Variants in WDR17 observed in about 807,000 individuals in gnomAD.
WDR17 encodes the protein WD repeat-containing protein 17.
A neutral mutation model predicts 161.7 loss-of-function variants in WDR17; 143 were observed. The ratio of observed to expected loss-of-function variants is 0.88; its 90% CI spans 0.77 to 1.02. WDR17 has a LOEUF of 1.02. Ranked by LOEUF, WDR17 falls within the 50% of genes least tolerant of loss-of-function variation. WDR17 has a pLI of 0.00. For missense variants in WDR17, 1,469 were observed against 1,520.9 expected (o/e 0.97, Z 0.57); for synonymous variants, 517 against 515.6 (o/e 1.00, Z -0.04).
rs144193961 is a variant in WDR17, at chr4:176,082,256, C to T, written c.-7+16177C>T. On this transcript the variant is annotated intron_variant, in intron 1 of 28. Transcript: ENST00000508596. ...AAATAATACATTTGGTAAGGCAAAA[C>T]GACACCAATTCTGCTTGTTGTATTA... Among the ~76,000 whole-genome samples, 94 of 151,956 alleles carry T rather than the reference C, an allele frequency of 6.2e-4. 1 individual carries two copies. The highest frequency in any genetic ancestry group is 2.0e-3 in the African/African-American group (81 of 41,454).
At chr4:176,096,411 A>G in intron 1 of WDR17, 1 of 773,564 alleles carries the variant, frequency 1.3e-6, no homozygotes, top group Non-Finnish European at 2.1e-6. Flanking sequence ...TCATTTCACA[A>G]GGGAGATTTT....
intron 1 of WDR17, among the ~76,000 whole-genome samples, chr4:176,078,697 T>G (rs13124564): frequency 0.52 from 78,830 of 151,858 alleles, 21,985 homozygotes; most frequent in South Asian, 0.63. Flanking sequence ...ATCTCTCCAA[T>G]TCTACTCATA....
chr4:176,111,127 A>G (rs1739661377), intron 1 of WDR17: 1 of 152,344 alleles, frequency 6.6e-6, no homozygotes, highest in Non-Finnish European at 1.5e-5. Context: ...TTTAAATTTA[A>G]ACGTGATGCC....
chr4:176,128,655 G>C, intron 5 of WDR17, 83 bp from the exon 6 acceptor site: 2 of 1,403,438 alleles, frequency 1.4e-6, no homozygotes, highest in Non-Finnish European at 1.9e-6. Flanking sequence ...ATTTCCAGTT[G>C]AAATTTTGTT....
intron 8 of WDR17, among the ~76,000 whole-genome samples, chr4:176,136,288 C>A (rs376537721): frequency 1.3e-5 from 2 of 151,594 alleles, no homozygotes; most frequent in African/African-American, 4.8e-5. Flanking sequence ...TTGATTATTG[C>A]AGTATGCACC....
chr4:176,148,497 G>C (rs1746560701), intron 13 of WDR17, among the ~76,000 whole-genome samples, 162 bp downstream of exon 13: 1 of 152,146 alleles, frequency 6.6e-6, no homozygotes, highest in African/African-American at 2.4e-5. Context: ...TATAATACCA[G>C]AATGTGCAGA....
intron 1 of WDR17, among the ~76,000 whole-genome samples, chr4:176,072,715 C>A (rs6818449): frequency 6.6e-6 from 1 of 151,652 alleles, no homozygotes; most frequent in Non-Finnish European, 1.5e-5. Flanking sequence ...TGCATAGCTC[C>A]GAGCACATAG....
At position 176,142,655 on chromosome 4, in the gene WDR17, A is replaced by G. The variant is rs529234096; in HGVS notation, c.1529+586A>G. On this transcript the variant is annotated intron_variant, in intron 11 of 28. Transcript: ENST00000508596. ...TGCATTTCCTAGAATATTGTGTTTC[A>G]AGCCTCTTTTAATGGGATATAAATT... Among the ~76,000 whole-genome samples the G allele has an allele frequency of 1.2e-4, 18 of 152,328 alleles. 1 individual carries two copies. The highest frequency in any genetic ancestry group is 4.3e-4 in the African/African-American group (18 of 41,572).
At chr4:176,134,969 T>C (rs1194318463) in intron 7 of WDR17, 139 bp from the exon 8 acceptor site, 2 of 768,784 alleles carry the variant, frequency 2.6e-6, no homozygotes, top group African/African-American at 3.5e-5. Context: ...TCCAGTTTTC[T>C]GTTTTTCTTG....
chr4:176,173,519 T>A (rs557055183), intron 25 of WDR17, 150 bp downstream of exon 25: 4 of 532,818 alleles, frequency 7.5e-6, no homozygotes, highest in South Asian at 3.0e-5. Context: ...TGTTATATAT[T>A]TTTTTTCTTT....
chr4:176,170,374 G>C lies in WDR17; in HGVS notation c.3102+1591G>C, dbSNP rs564272382. Among the ~76,000 whole-genome samples the C allele has an allele frequency of 5.5e-5, 8 of 146,350 alleles. No homozygotes were observed. The East Asian group carries it at 1.2e-3, about 22-fold the overall frequency. On this transcript the variant is annotated intron_variant, in intron 23 of 28. Coordinates refer to ENST00000508596, the MANE Select transcript of WDR17 (RefSeq NM_181265.4). ...CTTGTTGCCCAGGCTGGAGTGCAAT[G>C]GCACGAGCTCAGATCAGTGCAACCT...
At chr4:176,126,636 T>C (rs1436057230) in intron 5 of WDR17, among the ~76,000 whole-genome samples, 1 of 152,100 alleles carries the variant, frequency 6.6e-6, no homozygotes, top group South Asian at 2.1e-4. Context: ...GTTGAACCCA[T>C]GTGAATAATG....
rs779411267 is a variant in WDR17 at position 176,150,184 on chromosome 4, C to T, written c.2178+11C>T. The T allele has an allele frequency of 3.1e-6, 5 of 1,609,302 alleles. No individual in the cohort carries two copies. The Admixed American group carries it at 5.0e-5, about 16-fold the overall frequency. On this transcript the variant is annotated intron_variant, in intron 15 of 28. Coordinates refer to ENST00000508596, the MANE Select transcript of WDR17 (RefSeq NM_181265.4). ...TCAGAATGTTTATCTGTAAGTATTACAGGAATTAAATGCGAATATTTTCCC... is the reference window on the plus strand; with the variant it reads ...TCAGAATGTTTATCTGTAAGTATTATAGGAATTAAATGCGAATATTTTCCC...
Position 176,102,659 on chromosome 4 carries a change from G to A in WDR17, c.-6-8916G>A, listed in dbSNP as rs184154087. On this transcript the variant is annotated intron_variant, in intron 1 of 28. Coordinates refer to ENST00000508596, the MANE Select transcript of WDR17 (RefSeq NM_181265.4). ...ACATCTAGATAAATAGTATTATTCT[G>A]CACTAAAAAGCAATGAGCCATTAAG... Among the ~76,000 whole-genome samples the A allele has an allele frequency of 3.7e-4, 57 of 152,216 alleles. No homozygotes were observed. The South Asian group carries it at 6.6e-3, about 18-fold the overall frequency.
At chr4:176,159,091 A>C (rs552118967) in intron 18 of WDR17, among the ~76,000 whole-genome samples, 8 of 152,180 alleles carry the variant, frequency 5.3e-5, no homozygotes, top group Non-Finnish European at 1.2e-4. Context: ...AGCATGAAAA[A>C]TATCTGCTAC....
chr4:176,173,302 A>G lies in WDR17; in HGVS notation c.3280A>G (p.Ile1094Val), dbSNP rs1405675565. 5 of 1,613,314 alleles carry G rather than the reference A, an allele frequency of 3.1e-6. No individual in the cohort carries two copies. Among genetic ancestry groups the G allele is most frequent in the Admixed American group, 3.3e-5 (2 of 59,984 alleles). ...TAGCTCAGACTGGACTTTGGATACC[A>G]TATACCCTGTTCTTGACCTACTGAG... ...ISSSDWTLDT[I>V]YPVLDLLSYI... Residue 1094 changes from isoleucine (I) to valine (V), a missense_variant, in exon 25 of 29, where the codon ATA (isoleucine) becomes GTA (valine). Coordinates refer to ENST00000508596, the MANE Select transcript of WDR17 (RefSeq NM_181265.4).
intron 1 of WDR17, among the ~76,000 whole-genome samples, chr4:176,105,967 T>C (rs2126675205): frequency 6.6e-6 from 1 of 152,034 alleles, no homozygotes; most frequent in Admixed American, 6.6e-5. Flanking sequence ...ACTCAAATTA[T>C]TAAAATCACA....
intron 1 of WDR17, among the ~76,000 whole-genome samples, chr4:176,073,220 C>G (rs1309921565): frequency 6.6e-6 from 1 of 152,036 alleles, no homozygotes; most frequent in Non-Finnish European, 1.5e-5. Context: ...TGTCATTTAG[C>G]ATTAGGTATA....
At chr4:176,158,285 C>T (rs1019502732) in intron 18 of WDR17, among the ~76,000 whole-genome samples, 12 of 152,004 alleles carry the variant, frequency 7.9e-5, no homozygotes, top group South Asian at 2.1e-4. Flanking sequence ...GTAGCGTGGA[C>T]GCCATATGTA....
Sources: gnomAD v4.1 joint callset for allele counts (sites outside exome capture counted in the v4.1 genomes callset) on GRCh38, gnomAD v4.1.1 for gene constraint, MANE v1.5 for transcripts, NCBI Gene and HGNC (gene_info 2026-07-23, HGNC 2026-07-21) for gene names.